The following HS3ST5 variants were observed in gnomAD, a reference collection of about 807,000 sequenced individuals.
HS3ST5 encodes the protein heparan sulfate glucosamine 3-O-sulfotransferase 5.
In HS3ST5, 10 loss-of-function variants were observed where a neutral mutation model predicts 25.4. The observed-to-expected ratio is 0.39, with a 90% CI of 0.24 to 0.67. The LOEUF (loss-of-function observed/expected upper bound fraction) is 0.67, where lower values mean the gene tolerates loss of function less well. HS3ST5 is among the 30% of genes least tolerant of loss of function. The pLI is 0.44. For synonymous variants in HS3ST5, 170 were observed against 162.4 expected (o/e 1.05, Z -0.36); for missense variants, 324 against 420.7 (o/e 0.77, Z 2.01).
At chr6:114,262,647 C>A (rs919744496) in intron 1 of HS3ST5, among the ~76,000 whole-genome samples, 1 of 151,116 alleles carries the variant, frequency 6.6e-6, no homozygotes, top group Non-Finnish European at 1.5e-5. Flanking sequence ...TAGAATATTG[C>A]AAATATATTT....
chr6:114,144,139 G>A (rs1343528571), intron 3 of HS3ST5, among the ~76,000 whole-genome samples: 3 of 152,168 alleles, frequency 2.0e-5, no homozygotes, highest in African/African-American at 7.2e-5. Context: ...TCTGTAGCCT[G>A]AGCAGACTGT....
chr6:114,129,116 T>C (rs1008537720), intron 3 of HS3ST5, among the ~76,000 whole-genome samples: 1 of 152,186 alleles, frequency 6.6e-6, no homozygotes, highest in Non-Finnish European at 1.5e-5. Flanking sequence ...TTTAGCACAA[T>C]GCTTGGTACA....
At chr6:114,153,977 A>G (rs925085759) in intron 3 of HS3ST5, among the ~76,000 whole-genome samples, 2 of 152,138 alleles carry the variant, frequency 1.3e-5, no homozygotes, top group African/African-American at 4.8e-5. Flanking sequence ...GGGGGACTGA[A>G]TGTGCACAGG....
intron 1 of HS3ST5, among the ~76,000 whole-genome samples, chr6:114,301,156 G>C (rs1254474696): frequency 6.6e-6 from 1 of 152,146 alleles, no homozygotes; most frequent in Non-Finnish European, 1.5e-5. Flanking sequence ...TTAAATAGGT[G>C]AATTTTATGG....
intron 3 of HS3ST5, among the ~76,000 whole-genome samples, chr6:114,090,253 A>G (rs891635325): frequency 7.2e-5 from 11 of 152,172 alleles, no homozygotes; most frequent in African/African-American, 2.7e-4. Flanking sequence ...GTGTAAGGCA[A>G]TTTGCTTGTT....
chr6:114,129,251 CTTT>C lies in HS3ST5; in HGVS notation c.-33+39097_-33+39099del, dbSNP rs398048772. On this transcript the variant is annotated intron_variant, in intron 3 of 4. Transcript: ENST00000312719. ...TGAGACACACACCTGCAACAAGAAC[CTTT>C]TTTTTTTTTTTTTTTTTTTGAGACG... Among the ~76,000 whole-genome samples the C allele has an allele frequency of 8.0e-3, 780 of 98,050 alleles. 4 individuals are homozygous for C. Among genetic ancestry groups the C allele is most frequent in the Admixed American group, 0.013 (95 of 7,330 alleles). 64.3% of individuals were successfully genotyped at this position (98,050 alleles called of 152,430 possible). A position where few individuals can be genotyped will look rare whatever the true frequency, so the allele number is the denominator to read the frequency against.
At chr6:114,329,949 A>T (rs891318372) in intron 1 of HS3ST5, among the ~76,000 whole-genome samples, 4 of 152,206 alleles carry the variant, frequency 2.6e-5, no homozygotes, top group Non-Finnish European at 5.9e-5. Flanking sequence ...CAAAAAGTAG[A>T]ACTACTTAAA....
At chr6:114,250,991 G>A (rs376822368) in intron 1 of HS3ST5, among the ~76,000 whole-genome samples, 2 of 152,268 alleles carry the variant, frequency 1.3e-5, no homozygotes, top group East Asian at 3.9e-4. Context: ...ACTACTATCA[G>A]CAAAATATCA....
chr6:114,121,555 T>C (rs1458770628), intron 3 of HS3ST5, among the ~76,000 whole-genome samples: 1 of 152,178 alleles, frequency 6.6e-6, no homozygotes, highest in Non-Finnish European at 1.5e-5. Flanking sequence ...CAAACCCTTT[T>C]CTTTGTAGAT....
At chr6:114,213,496 T>C (rs573345490) in intron 2 of HS3ST5, among the ~76,000 whole-genome samples, 1 of 152,258 alleles carries the variant, frequency 6.6e-6, no homozygotes, top group Non-Finnish European at 1.5e-5. Flanking sequence ...AGTATTTCCC[T>C]TCCTCCTGTC....
intron 1 of HS3ST5, among the ~76,000 whole-genome samples, chr6:114,291,760 A>C (rs1774588254): frequency 1.3e-5 from 2 of 152,308 alleles, no homozygotes; most frequent in African/African-American, 4.8e-5. Flanking sequence ...CAGTTCCTTA[A>C]ATAAAGGCAA....
chr6:114,298,013 C>T (rs73767409), intron 1 of HS3ST5, among the ~76,000 whole-genome samples: 9,204 of 152,236 alleles, frequency 0.06, 858 homozygotes, highest in African/African-American at 0.2. Flanking sequence ...TCTACCCCTG[C>T]TGTGACTGCC....
intron 3 of HS3ST5, among the ~76,000 whole-genome samples, chr6:114,064,016 GA>G (rs955458581): frequency 1.3e-5 from 2 of 152,078 alleles, no homozygotes; most frequent in East Asian, 3.9e-4. Context: ...AAATTTTGGG[GA>G]AAAATGCAAG....
At chr6:114,121,322 T>G (rs1465298074) in intron 3 of HS3ST5, among the ~76,000 whole-genome samples, 1 of 152,172 alleles carries the variant, frequency 6.6e-6, no homozygotes. Flanking sequence ...ACCACCACAG[T>G]GTCAACTCAA....
intron 2 of HS3ST5, among the ~76,000 whole-genome samples, chr6:114,170,260 T>C (rs933819223): frequency 6.6e-6 from 1 of 152,152 alleles, no homozygotes. Context: ...AATTTATATA[T>C]GTATGTACAT....
intron 1 of HS3ST5, chr6:114,231,553 A>T (rs567355663): frequency 6.6e-6 from 1 of 152,236 alleles, no homozygotes; most frequent in South Asian, 2.1e-4. Context: ...AATTCTCCCC[A>T]TAATATGAAA....
intron 1 of HS3ST5, among the ~76,000 whole-genome samples, chr6:114,247,574 G>C (rs1406439662): frequency 6.6e-6 from 1 of 151,834 alleles, no homozygotes; most frequent in Non-Finnish European, 1.5e-5. Context: ...CTGTTTCAAG[G>C]TACCAGGGCA....
At chr6:114,213,634 G>T (rs548461442) in intron 2 of HS3ST5, among the ~76,000 whole-genome samples, 1 of 151,892 alleles carries the variant, frequency 6.6e-6, no homozygotes, top group African/African-American at 2.4e-5. Context: ...CTGTATACCT[G>T]TCCCCAGGTA....
intron 2 of HS3ST5, among the ~76,000 whole-genome samples, chr6:114,180,877 G>A (rs1169173081): frequency 4.6e-5 from 7 of 152,148 alleles, no homozygotes; most frequent in African/African-American, 1.7e-4. Context: ...GTATCCCTCA[G>A]AGCTAACCTA....
Sources: allele counts gnomAD v4.1 joint callset (sites outside exome capture counted in the v4.1 genomes callset), GRCh38; gene constraint gnomAD v4.1.1; transcripts MANE v1.5; gene names NCBI Gene and HGNC (gene_info 2026-07-23, HGNC 2026-07-21).